AKAP6: variants seen among roughly 807,000 people sequenced by gnomAD.
The protein encoded by AKAP6 is A-kinase anchor protein 6.
In AKAP6, 58 loss-of-function variants were observed where a neutral mutation model predicts 188.5. The observed-to-expected ratio is 0.31, with a 90% CI of 0.25 to 0.38. The LOEUF is 0.38. Among genes scored for constraint, AKAP6 ranks in the 10% least tolerant of loss-of-function variants. The pLI, the probability that AKAP6 is intolerant of heterozygous loss-of-function variation, is 1.00. For missense variants in AKAP6, 2,710 were observed against 2,740.0 expected (o/e 0.99, Z 0.24); for synonymous variants, 989 against 998.6 (o/e 0.99, Z 0.18).
intron 2 of AKAP6, among the ~76,000 whole-genome samples, chr14:32,527,163 C>T (rs541724895): frequency 2.0e-5 from 3 of 152,278 alleles, no homozygotes; most frequent in South Asian, 2.1e-4. Context: ...TTGCCTTTTC[C>T]GGAATGTCAT....
intron 2 of AKAP6, among the ~76,000 whole-genome samples, chr14:32,439,901 C>T (rs1328255134): frequency 6.6e-6 from 1 of 151,920 alleles, no homozygotes; most frequent in African/African-American, 2.4e-5. Flanking sequence ...TATAATAAGC[C>T]CTGGTTTAAG....
chr14:32,394,816 T>C (rs1032115903), intron 1 of AKAP6, among the ~76,000 whole-genome samples: 2 of 152,090 alleles, frequency 1.3e-5, no homozygotes, highest in African/African-American at 4.8e-5. Context: ...TAGCTATGAG[T>C]TTAGTTTTAT....
chr14:32,380,646 C>T (rs1888324301), intron 1 of AKAP6, among the ~76,000 whole-genome samples: 2 of 152,172 alleles, frequency 1.3e-5, no homozygotes, highest in African/African-American at 4.8e-5. Context: ...TTCTGCCTCT[C>T]ATAAGGGAAA....
At chr14:32,373,321 C>T (rs1212386626) in intron 1 of AKAP6, 1 of 151,964 alleles carries the variant, frequency 6.6e-6, no homozygotes, top group Non-Finnish European at 1.5e-5. Flanking sequence ...AGCCAGTGTT[C>T]CAGGAGAGCC....
chr14:32,819,085 A>C (rs2034456880), intron 12 of AKAP6, among the ~76,000 whole-genome samples: 1 of 152,206 alleles, frequency 6.6e-6, no homozygotes, highest in Admixed American at 6.5e-5. Context: ...AATTCTAATA[A>C]AAATTCATCA....
At chr14:32,765,636 A>G (rs981390563) in intron 11 of AKAP6, among the ~76,000 whole-genome samples, 27 of 152,030 alleles carry the variant, frequency 1.8e-4, no homozygotes, top group Non-Finnish European at 3.7e-4. Context: ...GCAGAAATAC[A>G]TAGATGTATA....
chr14:32,793,838 C>T (rs182618410), intron 12 of AKAP6, among the ~76,000 whole-genome samples: 12 of 148,588 alleles, frequency 8.1e-5, no homozygotes, highest in Middle Eastern at 3.7e-3. Flanking sequence ...ACAGAAGCAC[C>T]GAAATTCATA....
intron 7 of AKAP6, among the ~76,000 whole-genome samples, chr14:32,637,493 A>G (rs1887549526): frequency 6.6e-6 from 1 of 152,098 alleles, no homozygotes; most frequent in Non-Finnish European, 1.5e-5. Context: ...ATGTTTGATA[A>G]GTTTTTTTGT....
chr14:32,508,895 G>A lies in AKAP6; in HGVS notation c.325-26659G>A, dbSNP rs146706834. ...GGCTGGAGTGCAGTGGTGCAATCTC[G>A]GCTCACTGCAACCTCCACCTCCTGG... On this transcript the variant is annotated intron_variant, in intron 2 of 13. Transcript: ENST00000280979. Among the ~76,000 whole-genome samples the A allele has an allele frequency of 8.6e-3, 1,295 of 151,188 alleles. 12 individuals are homozygous for A. The highest frequency in any genetic ancestry group is 0.019 in the African/African-American group (773 of 41,160).
At chr14:32,521,143 A>G (rs1000841121) in intron 2 of AKAP6, among the ~76,000 whole-genome samples, 3 of 152,200 alleles carry the variant, frequency 2.0e-5, no homozygotes, top group Non-Finnish European at 2.9e-5. Flanking sequence ...ACAGCCCTTC[A>G]TGCTAAAAAC....
chr14:32,635,336 G>A (rs1189023629), intron 7 of AKAP6, among the ~76,000 whole-genome samples: 1 of 152,006 alleles, frequency 6.6e-6, no homozygotes, highest in Non-Finnish European at 1.5e-5. Context: ...TTGCTTCAGG[G>A]ATTAACATCT....
intron 1 of AKAP6, among the ~76,000 whole-genome samples, chr14:32,337,599 T>A (rs1886749352): frequency 6.6e-6 from 1 of 152,040 alleles, no homozygotes; most frequent in Admixed American, 6.6e-5. Flanking sequence ...TACTTTAAGT[T>A]TTAGGGTACA....
chr14:32,348,659 C>T (rs932157622), intron 1 of AKAP6, among the ~76,000 whole-genome samples: 2 of 152,156 alleles, frequency 1.3e-5, no homozygotes, highest in South Asian at 2.1e-4. Flanking sequence ...ATGATCCACC[C>T]ATGTTGGCCT....
chr14:32,808,897 A>T (rs1296831714), intron 12 of AKAP6, among the ~76,000 whole-genome samples: 5 of 152,204 alleles, frequency 3.3e-5, no homozygotes, highest in African/African-American at 1.2e-4. Context: ...GGCACTGCAC[A>T]GAACTGAATT....
At position 32,433,628 on chromosome 14, in the gene AKAP6, C is replaced by G. The variant is rs376799625; in HGVS notation, c.135C>G (p.Asp45Glu). Reference protein sequence around the residue: ...EQGEGEEAMKDMDSDQQYEKP... With the variant: ...EQGEGEEAMKEMDSDQQYEKP... ...GTGAGGGAGAAGAGGCAATGAAGGA[C>G]ATGGACTCTGACCAGCAGTATGAAA... The change falls in exon 2 of 14, where the codon GAC becomes GAG. Residue 45 changes from aspartate to glutamate, a missense_variant. Physicochemically the swap from Asp to Glu is conservative, Grantham distance 45. This residue lies in a region of AKAP6 where 237 missense variants were observed against 313.9 expected (regional missense o/e 0.76). Coordinates refer to ENST00000280979, the MANE Select transcript of AKAP6 (RefSeq NM_004274.5). 2.5e-6 allele frequency: 4 copies of G among 1,614,138 alleles called. No homozygotes were observed. Among genetic ancestry groups the G allele is most frequent in the Non-Finnish European group, 3.4e-6 (4 of 1,180,032 alleles).
intron 1 of AKAP6, among the ~76,000 whole-genome samples, chr14:32,427,289 A>T (rs146981654): frequency 6.6e-6 from 1 of 152,168 alleles, no homozygotes; most frequent in East Asian, 1.9e-4. Flanking sequence ...GCTGGAGGGC[A>T]TTGGGGTGGG....
intron 5 of AKAP6, among the ~76,000 whole-genome samples, chr14:32,593,571 T>G (rs1047897182): frequency 3.3e-5 from 5 of 152,188 alleles, no homozygotes; most frequent in Admixed American, 3.3e-4. Flanking sequence ...AGTGGTTAGA[T>G]AGCCTTTGGG....
intron 4 of AKAP6, among the ~76,000 whole-genome samples, chr14:32,561,044 A>G (rs528564309): frequency 1.3e-5 from 2 of 152,328 alleles, no homozygotes; most frequent in South Asian, 2.1e-4. Context: ...TCAAGGATAT[A>G]GAACTTAAAC....
At chr14:32,791,361 A>G (rs992086502) in intron 12 of AKAP6, among the ~76,000 whole-genome samples, 4 of 152,160 alleles carry the variant, frequency 2.6e-5, no homozygotes, top group Non-Finnish European at 4.4e-5. Context: ...CATTTCTCTA[A>G]TGGCCAATCA....
Sources: gnomAD v4.1 joint callset for allele counts (sites outside exome capture counted in the v4.1 genomes callset) on GRCh38, gnomAD v4.1.1 for gene constraint, gnomAD v4.1.1 regional missense constraint, MANE v1.5 for transcripts, NCBI Gene and HGNC (gene_info 2026-07-23, HGNC 2026-07-21) for gene names.